The following ATP10D variants were observed in gnomAD, a reference collection of about 807,000 sequenced individuals.
ATP10D encodes phospholipid-transporting ATPase VD.
Under a neutral mutation model 144.8 loss-of-function variants are expected in ATP10D, and 89 were observed. The ratio of observed to expected loss-of-function variants is 0.61; its 90% CI spans 0.52 to 0.73. The LOEUF is 0.73. Among genes scored for constraint, ATP10D ranks in the 30% least tolerant of loss-of-function variants. The probability of loss-of-function intolerance (pLI) is 0.00; values close to 1 mark genes in which losing one functional copy is unlikely to be tolerated. For missense variants in ATP10D, 1,603 were observed against 1,714.8 expected, an observed-to-expected ratio of 0.93 and a Z score of 1.15; for synonymous variants, 571 against 615.1, an observed-to-expected ratio of 0.93 and a Z score of 1.06.
rs1012215254 is a variant in ATP10D, at chr4:47,591,675, AT to A, written c.*298del. 1.9e-5 allele frequency: 4 copies of A among 212,500 alleles called. No homozygotes were observed. The highest frequency in any genetic ancestry group is 2.8e-5 in the Non-Finnish European group (3 of 108,048). 13.2% of individuals were successfully genotyped at this position (212,500 alleles called of 1,614,324 possible). A position where few individuals can be genotyped will look rare whatever the true frequency, so the allele number is the denominator to read the frequency against. ...TTTTCATTCTCTTAGAAATTCAAGT[AT>A]TTTCAAGGGGAGTCATTTGAGATAT... On this transcript the variant is annotated 3_prime_UTR_variant, in exon 23 of 23. Transcript: ENST00000273859.
chr4:47,489,742 C>G (rs1350111001), intron 1 of ATP10D, among the ~76,000 whole-genome samples: 1 of 152,170 alleles, frequency 6.6e-6, no homozygotes, highest in African/African-American at 2.4e-5. Flanking sequence ...AATCACAAAA[C>G]AAAGCTATTC....
intron 3 of ATP10D, among the ~76,000 whole-genome samples, chr4:47,519,551 A>G (rs1421436641): frequency 6.6e-6 from 1 of 152,156 alleles, no homozygotes; most frequent in Non-Finnish European, 1.5e-5. Flanking sequence ...ATCTCCCAAC[A>G]CTGTAAATGT....
At chr4:47,583,724 C>T (rs976419686) in intron 21 of ATP10D, among the ~76,000 whole-genome samples, 21 of 152,064 alleles carry the variant, frequency 1.4e-4, no homozygotes, top group Middle Eastern at 3.4e-3. Context: ...TTTGGGTTCA[C>T]GGATTATGAG....
Position 47,535,762 on chromosome 4 carries a change from T to A in ATP10D, c.884-140T>A. 6 of 1,323,214 alleles carry A rather than the reference T, an allele frequency of 4.5e-6. No individual in the cohort carries two copies. In the South Asian group the frequency reaches 9.2e-5, roughly 20 times the overall value. The allele number at this position is 1,323,214 out of a possible 1,614,324, so 82.0% of individuals were successfully genotyped here. On this transcript the variant is annotated intron_variant, in intron 6 of 22. Transcript: ENST00000273859. ...ATTGGTCTCTGTTTTTCTAAATGGA[T>A]CACAAAAGCAGATTGAACTGACAAA...
chr4:47,569,204 G>C (rs548489270), intron 16 of ATP10D, 58 bp downstream of exon 16: 5 of 1,541,156 alleles, frequency 3.2e-6, no homozygotes, highest in African/African-American at 1.4e-5. Context: ...ACCAGACACC[G>C]ATCCTTCTGT....
At position 47,576,992 on chromosome 4, in the gene ATP10D, G is replaced by A. The variant is rs780646796; in HGVS notation, c.3567+19G>A. 6.8e-6 allele frequency: 11 copies of A among 1,609,614 alleles called. No individual in the cohort carries two copies. The highest frequency in any genetic ancestry group is 9.4e-6 in the Non-Finnish European group (11 of 1,176,010). On this transcript the variant is annotated intron_variant, in intron 19 of 22. Coordinates refer to ENST00000273859, the MANE Select transcript of ATP10D (RefSeq NM_020453.4). ...ATCAGAGGTAGGTGTTAAAGCAAGA[G>A]TGCTTGGATGGATGCATATCCATTG...
chr4:47,582,675 A>C (rs1560458404), intron 21 of ATP10D, among the ~76,000 whole-genome samples: 1 of 152,164 alleles, frequency 6.6e-6, no homozygotes, highest in Admixed American at 6.5e-5. Context: ...GTATCTTTTA[A>C]CGGAGGTAAT....
intron 10 of ATP10D, among the ~76,000 whole-genome samples, chr4:47,552,803 G>A (rs549561910): frequency 1.3e-5 from 2 of 152,192 alleles, no homozygotes; most frequent in East Asian, 1.9e-4. Flanking sequence ...AGCTTCTATG[G>A]TCTCTGACTC....
chr4:47,499,760 T>C (rs2109388559), intron 1 of ATP10D, among the ~76,000 whole-genome samples: 1 of 152,350 alleles, frequency 6.6e-6, no homozygotes, highest in South Asian at 2.1e-4. Flanking sequence ...AGGATAAACC[T>C]TAAACTGTCT....
At chr4:47,497,370 G>C (rs549387465) in intron 1 of ATP10D, among the ~76,000 whole-genome samples, 52 of 152,236 alleles carry the variant, frequency 3.4e-4, no homozygotes, top group African/African-American at 1.2e-3. Flanking sequence ...CAGGAGAATC[G>C]CTTGAACCGG....
intron 15 of ATP10D, 114 bp downstream of exon 15, chr4:47,563,879 TTTG>T (rs1719457031): frequency 9.2e-7 from 1 of 1,083,124 alleles, no homozygotes; most frequent in Non-Finnish European, 1.3e-6. Context: ...GTTAGCTTTT[TTTG>T]TTGTTTGTTT....
intron 18 of ATP10D, among the ~76,000 whole-genome samples, chr4:47,573,404 A>G (rs1272258704): frequency 6.6e-6 from 1 of 152,246 alleles, no homozygotes; most frequent in East Asian, 1.9e-4. Context: ...TTAATGCCCC[A>G]TGTGTTATAA....
intron 22 of ATP10D, 144 bp from the exon 23 acceptor site, chr4:47,590,898 G>T: frequency 3.9e-6 from 2 of 515,816 alleles, no homozygotes; most frequent in South Asian, 3.7e-5. Context: ...TTTTGTATTA[G>T]AGTTCGGTTA....
intron 5 of ATP10D, among the ~76,000 whole-genome samples, chr4:47,534,315 T>C (rs1366539450): frequency 6.6e-6 from 1 of 152,154 alleles, no homozygotes; most frequent in African/African-American, 2.4e-5. Context: ...CTGTAAACCA[T>C]CAAGGGACAT....
At chr4:47,589,400 G>A (rs960428752) in intron 22 of ATP10D, among the ~76,000 whole-genome samples, 2 of 152,144 alleles carry the variant, frequency 1.3e-5, no homozygotes, top group Non-Finnish European at 2.9e-5. Flanking sequence ...TAAAACTGTG[G>A]AAGTGGCTTT....
intron 1 of ATP10D, among the ~76,000 whole-genome samples, chr4:47,503,227 T>G (rs34295086): frequency 0.3 from 45,234 of 151,856 alleles, 7,466 homozygotes; most frequent in Admixed American, 0.36. Context: ...AAAAATAAAA[T>G]AAAATAAAAC....
Position 47,569,064 on chromosome 4 carries a change from C to A in ATP10D, c.3081C>A (p.Val1027=), listed in dbSNP as rs763697937. The A allele has an allele frequency of 1.2e-6, 2 of 1,614,188 alleles. No homozygotes were observed. Among genetic ancestry groups the A allele is most frequent in the Non-Finnish European group, 1.7e-6 (2 of 1,180,020 alleles). ...LELTSWCQAV[V]CCRATPLQKS... is the part of the protein sequence containing the mutation. Reference sequence around the variant, plus strand: ...TGACATCTTGGTGTCAAGCTGTGGTCTGCTGCCGAGCCACACCGCTGCAGA... The same window carrying A: ...TGACATCTTGGTGTCAAGCTGTGGTATGCTGCCGAGCCACACCGCTGCAGA... Residue 1027 remains valine, a synonymous_variant, in exon 16 of 23, where the codon GTC becomes GTA. Transcript: ENST00000273859.
chr4:47,584,361 GT>G (rs994783401), intron 21 of ATP10D, among the ~76,000 whole-genome samples: 13 of 151,752 alleles, frequency 8.6e-5, no homozygotes, highest in South Asian at 2.1e-4. Flanking sequence ...CCAAAGGCAT[GT>G]TTTTTTTGTT....
rs773640259 is a variant in ATP10D, at chr4:47,557,711, G to C, written c.1872G>C (p.Glu624Asp). ...GGTTGCCCATTAAGTCTTTGGAAGA[G>C]ATTAAAAGTCTTTTCCAGAGATGGT... is the stretch of plus-strand genomic sequence containing the variant. ...LGGLPIKSLE[E>D]IKSLFQRWSV... is the part of the protein sequence containing the mutation. Residue 624 changes from glutamate (E) to aspartate (D), a missense_variant, in exon 12 of 23, where the codon GAG (glutamate) becomes GAC (aspartate). Glu to Asp is a conservative substitution (Grantham distance 45). Coordinates refer to ENST00000273859, the MANE Select transcript of ATP10D (RefSeq NM_020453.4). 67 of 1,614,030 alleles carry C rather than the reference G, an allele frequency of 4.2e-5. No individual in the cohort carries two copies. Among genetic ancestry groups the C allele is most frequent in the Non-Finnish European group, 5.3e-5 (62 of 1,179,996 alleles).
Sources: allele counts gnomAD v4.1 joint callset (sites outside exome capture counted in the v4.1 genomes callset), GRCh38; gene constraint gnomAD v4.1.1; transcripts MANE v1.5; gene names NCBI Gene and HGNC (gene_info 2026-07-23, HGNC 2026-07-21).